Variants in STK24 observed in about 807,000 individuals in gnomAD.
STK24 encodes the protein serine/threonine-protein kinase 24.
A neutral mutation model predicts 55.6 loss-of-function variants in STK24; 21 were observed. The ratio of observed to expected loss-of-function variants is 0.38; its 90% CI spans 0.27 to 0.54. The LOEUF is 0.54. Ranked by LOEUF, STK24 falls within the 20% of genes least tolerant of loss-of-function variation. STK24 has a pLI of 0.79. For missense variants in STK24, 383 were observed against 538.4 expected, an observed-to-expected ratio of 0.71 and a Z score of 2.86; for synonymous variants, 200 against 215.2, an observed-to-expected ratio of 0.93 and a Z score of 0.62.
At chr13:98,529,013 G>A (rs1415256725) in intron 1 of STK24, among the ~76,000 whole-genome samples, 2 of 152,078 alleles carry the variant, frequency 1.3e-5, no homozygotes, top group Non-Finnish European at 2.9e-5. Context: ...GAGCTGAACC[G>A]AGCCTCAGAA....
At chr13:98,463,613 G>C in intron 7 of STK24, 78 bp downstream of exon 7, 1 of 1,462,412 alleles carries the variant, frequency 6.8e-7, no homozygotes, top group Non-Finnish European at 9.1e-7. Context: ...AACAGAAAAC[G>C]AAACCCACAC....
intron 1 of STK24, among the ~76,000 whole-genome samples, chr13:98,533,721 C>T (rs1896639236): frequency 1.3e-5 from 2 of 152,124 alleles, no homozygotes; most frequent in South Asian, 4.1e-4. Context: ...CACTACTATA[C>T]CACCTAGATC....
intron 1 of STK24, among the ~76,000 whole-genome samples, chr13:98,574,022 T>C (rs1467568142): frequency 2.0e-5 from 3 of 152,008 alleles, no homozygotes; most frequent in Admixed American, 6.5e-5. Flanking sequence ...TATTTTATTT[T>C]TTTTTTTGAG....
chr13:98,455,265 G>C (rs780277712), intron 10 of STK24: 1 of 152,126 alleles, frequency 6.6e-6, no homozygotes, highest in Non-Finnish European at 1.5e-5. Flanking sequence ...TTGGTTTTTA[G>C]AGACAGGTTC....
At chr13:98,462,631 CTT>C (rs1893757867) in intron 7 of STK24, among the ~76,000 whole-genome samples, 1 of 152,124 alleles carries the variant, frequency 6.6e-6, no homozygotes, top group Non-Finnish European at 1.5e-5. Flanking sequence ...AACTGACACC[CTT>C]TTTTCTCTCG....
At chr13:98,495,203 A>G (rs1185085331) in intron 2 of STK24, among the ~76,000 whole-genome samples, 1 of 152,242 alleles carries the variant, frequency 6.6e-6, no homozygotes, top group Non-Finnish European at 1.5e-5. Context: ...GCTGTCCTAC[A>G]AGAACTGCTG....
rs760619190 is a variant in STK24, at chr13:98,460,356, C to A, written c.1122+16G>T. ...CCCCTCCCCTCCCACTCCGAAAAGG[C>A]CAGCCAGGTACCTACCTCTGCAAAC... is the stretch of plus-strand genomic sequence containing the variant. On this transcript the variant is annotated intron_variant, in intron 9 of 10. Coordinates refer to ENST00000539966, the MANE Select transcript of STK24 (RefSeq NM_001032296.4). 7 of 1,611,728 alleles carry A rather than the reference C, an allele frequency of 4.3e-6. No individual in the cohort carries two copies. The highest frequency in any genetic ancestry group is 5.1e-6 in the Non-Finnish European group (6 of 1,178,744).
chr13:98,573,971 T>C (rs1307528950), intron 1 of STK24, among the ~76,000 whole-genome samples: 2 of 152,158 alleles, frequency 1.3e-5, no homozygotes, highest in Admixed American at 6.5e-5. Flanking sequence ...TTTTCAAGCA[T>C]CCTTGCCTAG....
At chr13:98,520,157 C>T (rs1371907447) in intron 1 of STK24, among the ~76,000 whole-genome samples, 1 of 145,370 alleles carries the variant, frequency 6.9e-6, no homozygotes, top group Non-Finnish European at 1.5e-5. Flanking sequence ...AGCTCTCATC[C>T]TAACAGCTAC....
chr13:98,537,381 C>T (rs1230135162), intron 1 of STK24, among the ~76,000 whole-genome samples: 1 of 152,212 alleles, frequency 6.6e-6, no homozygotes, highest in African/African-American at 2.4e-5. Context: ...CAGCAGCGGG[C>T]TCATTCACAA....
At chr13:98,483,632 T>A (rs1276455831) in intron 2 of STK24, among the ~76,000 whole-genome samples, 1 of 152,180 alleles carries the variant, frequency 6.6e-6, no homozygotes, top group East Asian at 1.9e-4. Context: ...CCCCACGCCC[T>A]GGGCAAACTT....
intron 10 of STK24, chr13:98,456,950 C>T (rs1410462542): frequency 1.4e-5 from 9 of 623,044 alleles, no homozygotes; most frequent in Non-Finnish European, 2.2e-5. Context: ...TGCACTAAGT[C>T]CTGTGGGCTT....
intron 2 of STK24, among the ~76,000 whole-genome samples, chr13:98,516,948 C>T (rs1374603419): frequency 6.6e-6 from 1 of 152,156 alleles, no homozygotes; most frequent in Non-Finnish European, 1.5e-5. Context: ...AAGAACAGGA[C>T]CTGTTTGGAT....
At chr13:98,492,076 C>CGTGCGTGT (rs1170576833) in intron 2 of STK24, among the ~76,000 whole-genome samples, 96 of 149,630 alleles carry the variant, frequency 6.4e-4, no homozygotes, top group African/African-American at 2.2e-3. Flanking sequence ...AGTGCGTGCG[C>CGTGCGTGT]GTGTGTGTGT....
chr13:98,463,941 T>C, intron 6 of STK24, 105 bp from the exon 7 acceptor site: 1 of 1,317,782 alleles, frequency 7.6e-7, no homozygotes, highest in Non-Finnish European at 1.1e-6. Context: ...TGACACCTGA[T>C]GGCTGGACTC....
rs566083743 is a variant in STK24 at position 98,560,983 on chromosome 13, G to A, written c.42+15762C>T. ...CTCAGGCTCCCACAGCCACTTCAAAGTTAGCCAGAGCCTAGACACAGCCAG... is the reference window on the plus strand; with the variant it reads ...CTCAGGCTCCCACAGCCACTTCAAAATTAGCCAGAGCCTAGACACAGCCAG... On this transcript the variant is annotated intron_variant, in intron 1 of 10. Transcript: ENST00000539966. 3.9e-5 allele frequency among the ~76,000 whole-genome samples: 6 copies of A among 152,164 alleles called. No individual in the cohort carries two copies. In the South Asian group the frequency reaches 1.2e-3, roughly 32 times the overall value.
intron 1 of STK24, 69 bp from the exon 2 acceptor site, chr13:98,519,542 T>A (rs549445085): frequency 4.9e-6 from 6 of 1,222,080 alleles, no homozygotes; most frequent in Non-Finnish European, 7.2e-6. Flanking sequence ...TTGTCAATTT[T>A]ATGTGTAATG....
chr13:98,544,009 G>A (rs1681798083), intron 1 of STK24, among the ~76,000 whole-genome samples: 1 of 152,176 alleles, frequency 6.6e-6, no homozygotes, highest in African/African-American at 2.4e-5. Context: ...TGGACCTCAG[G>A]TTTAAAAATA....
In STK24 at chr13:98,451,074, C is replaced by A. The variant is rs1442440600; in HGVS notation, c.*2099G>T. 6.6e-6 allele frequency: 1 copy of A among 152,172 alleles called. No individual in the cohort carries two copies. Among genetic ancestry groups the A allele is most frequent in the African/African-American group, 2.4e-5 (1 of 41,430 alleles). The allele number at this position is 152,172 out of a possible 1,614,324, so 9.4% of individuals were successfully genotyped here. ...ATACCAGTATTCATTAGAACCCAGT[C>A]CCTCGAGCGGCTCACCCACTGTTAC... is the stretch of plus-strand genomic sequence containing the variant. On this transcript the variant is annotated 3_prime_UTR_variant, in exon 11 of 11. Transcript: ENST00000539966.
Sources: gnomAD v4.1 joint callset for allele counts (sites outside exome capture counted in the v4.1 genomes callset) on GRCh38, gnomAD v4.1.1 for gene constraint, MANE v1.5 for transcripts, NCBI Gene and HGNC (gene_info 2026-07-23, HGNC 2026-07-21) for gene names.